PTBP3: variants seen among roughly 807,000 people sequenced by gnomAD.
The protein encoded by PTBP3 is polypyrimidine tract binding protein 3.
In PTBP3, 20 loss-of-function variants were observed where a neutral mutation model predicts 58.7. The ratio of observed to expected loss-of-function variants is 0.34; its 90% CI spans 0.24 to 0.50. The LOEUF is 0.50. Ranked by LOEUF, PTBP3 falls within the 20% of genes least tolerant of loss-of-function variation. The pLI, the probability that PTBP3 is intolerant of heterozygous loss-of-function variation, is 0.98. For synonymous variants in PTBP3, 185 were observed against 219.8 expected, an observed-to-expected ratio of 0.84 and a Z score of 1.40; for missense variants, 509 against 637.2, an observed-to-expected ratio of 0.80 and a Z score of 2.17.
At chr9:112,242,229 A>T (rs2132032226) in intron 7 of PTBP3, among the ~76,000 whole-genome samples, 1 of 152,278 alleles carries the variant, frequency 6.6e-6, no homozygotes, top group South Asian at 2.1e-4. Flanking sequence ...GCCTCAGCTC[A>T]AACAATCCTC....
At chr9:112,288,425 T>A (rs1828236887) in intron 2 of PTBP3, among the ~76,000 whole-genome samples, 1 of 152,244 alleles carries the variant, frequency 6.6e-6, no homozygotes, top group Non-Finnish European at 1.5e-5. Flanking sequence ...TCTTTCATAC[T>A]CTGCTCCCAT....
the PTBP3 span, among the ~76,000 whole-genome samples, chr9:112,364,290 A>G: frequency 6.6e-6 from 1 of 151,676 alleles, no homozygotes; most frequent in Non-Finnish European, 1.5e-5. Context: ...AAGACAAAAA[A>G]AAAGCCCTAG....
intron 5 of PTBP3, among the ~76,000 whole-genome samples, chr9:112,254,855 A>G (rs571482126): frequency 1.3e-5 from 2 of 152,316 alleles, no homozygotes; most frequent in African/African-American, 4.8e-5. Flanking sequence ...TGATCCAGCA[A>G]TTCTATTTCT....
Position 112,227,474 on chromosome 9 carries a change from G to A in PTBP3, c.1301C>T (p.Pro434Leu). Residue 434 changes from proline (P) to leucine (L), a missense_variant, in exon 12 of 14, where the codon CCG (proline) becomes CTG (leucine). This residue lies in a region of PTBP3 where 135 missense variants were observed against 229.0 expected (regional missense o/e 0.59). Transcript: ENST00000374257. ...GATATTCTGGAAGTTTTTAGAGCCCGGCTTTTTAAAGCGATGCAAAGGACT... is the reference window on the plus strand; with the variant it reads ...GATATTCTGGAAGTTTTTAGAGCCCAGCTTTTTAAAGCGATGCAAAGGACT... ...SNSPLHRFKKPGSKNFQNIFP... is the reference protein window; with the variant it reads ...SNSPLHRFKKLGSKNFQNIFP... 2.5e-6 allele frequency: 4 copies of A among 1,613,942 alleles called. No individual in the cohort carries two copies. The highest frequency in any genetic ancestry group is 3.4e-6 in the Non-Finnish European group (4 of 1,179,912).
At position 112,221,962 on chromosome 9, in the gene PTBP3, G is replaced by A; in HGVS notation, c.*1889C>T. 1 of 925,478 alleles carries A rather than the reference G, an allele frequency of 1.1e-6. No homozygotes were observed. The highest frequency in any genetic ancestry group is 5.0e-5 in the South Asian group (1 of 19,972). The allele number at this position is 925,478 out of a possible 1,614,324, so 57.3% of individuals were successfully genotyped here. Reference sequence around the variant, plus strand: ...TATGTTCCAGGGCTGGAGTGAAGTGGCTATTCACAAATGTGATCATAGCGC... The same window carrying A: ...TATGTTCCAGGGCTGGAGTGAAGTGACTATTCACAAATGTGATCATAGCGC... On this transcript the variant is annotated 3_prime_UTR_variant, in exon 14 of 14. Coordinates refer to ENST00000374257, the MANE Select transcript of PTBP3 (RefSeq NM_001163788.4).
chr9:112,231,914 GA>G (rs1414549466), intron 9 of PTBP3, among the ~76,000 whole-genome samples, 184 bp downstream of exon 9: 2 of 38,934 alleles, frequency 5.1e-5, no homozygotes. Flanking sequence ...GAAAAGAAAA[GA>G]AGAGAAGAGA....
At chr9:112,302,964 T>C (rs1829015524) in intron 1 of PTBP3, among the ~76,000 whole-genome samples, 1 of 152,196 alleles carries the variant, frequency 6.6e-6, no homozygotes, top group Non-Finnish European at 1.5e-5. Context: ...CTCATGTTTT[T>C]TTTCTATTTT....
intron 1 of PTBP3, among the ~76,000 whole-genome samples, chr9:112,309,944 T>A (rs1257912628): frequency 6.6e-6 from 1 of 152,186 alleles, no homozygotes; most frequent in Non-Finnish European, 1.5e-5. Flanking sequence ...TTCCATAGCC[T>A]CCTGTAACTA....
At chr9:112,341,955 T>C in the PTBP3 span, among the ~76,000 whole-genome samples, 1 of 152,210 alleles carries the variant, frequency 6.6e-6, no homozygotes, top group African/African-American at 2.4e-5. Flanking sequence ...GCATTATTTC[T>C]GGGTGTGCTG....
At chr9:112,353,010 C>T in the PTBP3 span, among the ~76,000 whole-genome samples, 1 of 151,934 alleles carries the variant, frequency 6.6e-6, no homozygotes, top group African/African-American at 2.4e-5. Context: ...AAGCGATTCT[C>T]CTGCTTCAGC....
At position 112,261,756 on chromosome 9, in the gene PTBP3, C is replaced by A. The variant is rs1254911121; in HGVS notation, c.516+679G>T. On this transcript the variant is annotated intron_variant, in intron 5 of 13. Coordinates refer to ENST00000374257, the MANE Select transcript of PTBP3 (RefSeq NM_001163788.4). ...GAAGTATTAGTTAAAAATGTAACAACCATTCAAAAACAAAACATGGGAAAT... is the reference window on the plus strand; with the variant it reads ...GAAGTATTAGTTAAAAATGTAACAAACATTCAAAAACAAAACATGGGAAAT... 3.3e-5 allele frequency among the ~76,000 whole-genome samples: 5 copies of A among 152,146 alleles called. No homozygotes were observed. The East Asian group carries it at 9.6e-4, about 29-fold the overall frequency.
chr9:112,297,751 A>G (rs1300221939), intron 2 of PTBP3, 81 bp downstream of exon 2: 2 of 1,189,270 alleles, frequency 1.7e-6, no homozygotes, highest in Non-Finnish European at 1.2e-6. Context: ...CTTCAACATG[A>G]TATAAGCAAA....
At chr9:112,345,828 G>A in the PTBP3 span, among the ~76,000 whole-genome samples, 42,193 of 151,968 alleles carry the variant, frequency 0.28, 6,979 homozygotes, top group South Asian at 0.4. Flanking sequence ...AAAAAATGTA[G>A]TATTGCCATA....
chr9:112,369,142 A>T, the PTBP3 span, among the ~76,000 whole-genome samples: 3 of 152,228 alleles, frequency 2.0e-5, no homozygotes, highest in Admixed American at 6.5e-5. Context: ...CTCATGGAGA[A>T]CCTCTGCTAG....
chr9:112,378,485 G>A, the PTBP3 span, among the ~76,000 whole-genome samples: 1 of 152,158 alleles, frequency 6.6e-6, no homozygotes, highest in Non-Finnish European at 1.5e-5. Flanking sequence ...AGATATTGTG[G>A]CTTTCAAAAA....
chr9:112,355,618 T>C, the PTBP3 span, among the ~76,000 whole-genome samples: 277 of 151,326 alleles, frequency 1.8e-3, 1 homozygote, highest in African/African-American at 6.2e-3. Context: ...AAGAACTCTT[T>C]TTCTTTTTTT....
intron 1 of PTBP3, among the ~76,000 whole-genome samples, chr9:112,302,582 CTTT>C (rs369208342): frequency 1.7e-4 from 19 of 110,496 alleles, no homozygotes; most frequent in East Asian, 6.3e-4. Context: ...TATTCTTCAT[CTTT>C]TTTTTTTTTT....
intron 1 of PTBP3, chr9:112,330,454 G>A (rs762401498): frequency 1.3e-6 from 2 of 1,526,370 alleles, no homozygotes; most frequent in Admixed American, 1.9e-5. Flanking sequence ...TAAACCGACT[G>A]TTATAAGATC....
rs1834828640 is a variant in PTBP3 at position 112,222,109 on chromosome 9, T to C, written c.*1742A>G. 2.0e-6 allele frequency: 2 copies of C among 985,520 alleles called. No individual in the cohort carries two copies. Among genetic ancestry groups the C allele is most frequent in the Non-Finnish European group, 2.4e-6 (2 of 829,584 alleles). The allele number at this position is 985,520 out of a possible 1,614,324, so 61.0% of individuals were successfully genotyped here. A position where few individuals can be genotyped will look rare whatever the true frequency, so the allele number is the denominator to read the frequency against. On this transcript the variant is annotated 3_prime_UTR_variant, in exon 14 of 14. Transcript: ENST00000374257. ...CACACCACCATGCCCAGCAAGATAT[T>C]CTTTATTCTTTTAAAAGTTGAGATG...
Sources: gnomAD v4.1 joint callset for allele counts (sites outside exome capture counted in the v4.1 genomes callset) on GRCh38, gnomAD v4.1.1 for gene constraint, gnomAD v4.1.1 regional missense constraint, MANE v1.5 for transcripts, NCBI Gene and HGNC (gene_info 2026-07-23, HGNC 2026-07-21) for gene names.